Variants in SMYD4 observed in about 807,000 individuals in gnomAD.
SMYD4 encodes the protein protein-lysine N-methyltransferase SMYD4.
SMYD4 carries 68 observed loss-of-function variants against 72.8 expected under a neutral mutation model. The observed-to-expected ratio is 0.93, with a 90% confidence interval of 0.77 to 1.14. The LOEUF (loss-of-function observed/expected upper bound fraction) is 1.14. Ranked by LOEUF, SMYD4 falls within the 50% of genes most tolerant of loss-of-function variation. The pLI is 0.00. For missense variants in SMYD4, 984 were observed against 1,003.7 expected, an observed-to-expected ratio of 0.98 and a Z score of 0.27; for synonymous variants, 407 against 388.6, an observed-to-expected ratio of 1.05 and a Z score of -0.56.
chr17:1,787,303 C>A, intron 6 of SMYD4, 119 bp downstream of exon 6: 1 of 1,326,344 alleles, frequency 7.5e-7, no homozygotes, highest in Non-Finnish European at 1.0e-6. Flanking sequence ...GTGTTCACTG[C>A]CTCTTCCAGG....
Position 1,812,055 on chromosome 17 carries a change from C to T in SMYD4, c.195G>A (p.Ser65=), listed in dbSNP as rs777378568. 1.2e-5 allele frequency: 19 copies of T among 1,613,932 alleles called. No homozygotes were observed. Among genetic ancestry groups the T allele is most frequent in the Admixed American group, 3.3e-5 (2 of 59,964 alleles). ...CTTCTCTGTAGAAAAGAGGAGCGTC[C>T]GAGTCCTTTCCCACCAAGTAACCTT... ...LSKGYLVGKD[S]DAPLFYREEG... is the part of the protein sequence containing the mutation. Residue 65 remains serine, a synonymous_variant, in exon 3 of 11, where the codon TCG becomes TCA. Coordinates refer to ENST00000305513, the MANE Select transcript of SMYD4 (RefSeq NM_052928.3).
In SMYD4 at chr17:1,799,982, G is replaced by A. The variant is rs753463438; in HGVS notation, c.1412C>T (p.Ser471Phe). ...AIPTERIVNSSQLKAAVTPEL... is the reference protein window; with the variant it reads ...AIPTERIVNSFQLKAAVTPEL... Reference sequence around the variant, plus strand: ...AGGTGTCACTGCTGCTTTAAGCTGAGAGGAGTTCACAATCCTCTCAGTTGG... The same window carrying A: ...AGGTGTCACTGCTGCTTTAAGCTGAAAGGAGTTCACAATCCTCTCAGTTGG... Residue 471 changes from serine to phenylalanine, a missense_variant, in exon 5 of 11, where the codon TCT becomes TTT. Ser to Phe is a radical substitution (Grantham distance 155). Transcript: ENST00000305513. 1 of 1,614,018 alleles carries A rather than the reference G, an allele frequency of 6.2e-7. No individual in the cohort carries two copies. Among genetic ancestry groups the A allele is most frequent in the Non-Finnish European group, 8.5e-7 (1 of 1,179,972 alleles).
intron 5 of SMYD4, among the ~76,000 whole-genome samples, chr17:1,789,045 C>A (rs1367519683): frequency 1.3e-5 from 2 of 152,150 alleles, no homozygotes; most frequent in South Asian, 2.1e-4. Context: ...TGGAAAAAAA[C>A]CATCAAATAA....
At chr17:1,801,277 C>T (rs1025881211) in intron 4 of SMYD4, among the ~76,000 whole-genome samples, 2 of 151,676 alleles carry the variant, frequency 1.3e-5, no homozygotes, top group African/African-American at 2.4e-5. Flanking sequence ...CTCGCTCTGT[C>T]GCCCAGGCTG....
At chr17:1,804,122 G>A (rs966304112) in intron 4 of SMYD4, among the ~76,000 whole-genome samples, 18 of 151,808 alleles carry the variant, frequency 1.2e-4, no homozygotes, top group Non-Finnish European at 1.3e-4. Flanking sequence ...TGATCCGCCT[G>A]CCTCAGCCTC....
chr17:1,809,333 G>A (rs1040222362), intron 3 of SMYD4, among the ~76,000 whole-genome samples: 2 of 151,940 alleles, frequency 1.3e-5, no homozygotes, highest in African/African-American at 4.8e-5. Context: ...ATGAAAGCAG[G>A]ACAATAAGAG....
At chr17:1,790,509 G>A (rs1347896637) in intron 5 of SMYD4, among the ~76,000 whole-genome samples, 1 of 151,924 alleles carries the variant, frequency 6.6e-6, no homozygotes, top group Non-Finnish European at 1.5e-5. Context: ...TATCCCTAGT[G>A]CATTTCTTTT....
intron 7 of SMYD4, among the ~76,000 whole-genome samples, chr17:1,785,272 A>T (rs1209640804): frequency 1.3e-5 from 2 of 148,732 alleles, no homozygotes; most frequent in Non-Finnish European, 3.0e-5. Flanking sequence ...AAATACAAAA[A>T]ATTAGCCGGG....
At position 1,799,941 on chromosome 17, in the gene SMYD4, C is replaced by G. The variant is rs778838603; in HGVS notation, c.1453G>C (p.Val485Leu). 6.2e-6 allele frequency: 10 copies of G among 1,614,080 alleles called. No individual in the cohort carries two copies. Among genetic ancestry groups the G allele is most frequent in the Non-Finnish European group, 8.5e-6 (10 of 1,180,008 alleles). Residue 485 changes from valine to leucine, a missense_variant, in exon 5 of 11, where the codon GTG (valine) becomes CTG (leucine). Coordinates refer to ENST00000305513, the MANE Select transcript of SMYD4 (RefSeq NM_052928.3). ...AGCATCGCCACTCCCCAAATAGTCA[C>G]GTCAGGACACAATTCAGGTGTCACT... ...AAVTPELCPD[V>L]TIWGVAMLRH...
chr17:1,809,031 T>C (rs1402374688), intron 3 of SMYD4, among the ~76,000 whole-genome samples: 3 of 152,090 alleles, frequency 2.0e-5, no homozygotes, highest in Non-Finnish European at 4.4e-5. Flanking sequence ...TGTACACCCT[T>C]CAAATGAAAA....
At chr17:1,784,209 C>A (rs1597364418) in intron 8 of SMYD4, 117 bp downstream of exon 8, 2 of 1,488,242 alleles carry the variant, frequency 1.3e-6, no homozygotes, top group Non-Finnish European at 1.8e-6. Flanking sequence ...TTGTGGCTGG[C>A]ATGGGGATAA....
intron 4 of SMYD4, among the ~76,000 whole-genome samples, chr17:1,802,855 A>C (rs1050132051): frequency 6.6e-6 from 1 of 152,232 alleles, no homozygotes; most frequent in Non-Finnish European, 1.5e-5. Context: ...TTCCTGTTTT[A>C]AAAACTCAAC....
rs760365734 is a variant in SMYD4, at chr17:1,784,410, TGACGGCG to T, written c.1929_1935del (p.Val645GlyfsTer27). 6 of 1,614,120 alleles carry T rather than the reference TGACGGCG, an allele frequency of 3.7e-6. No individual in the cohort carries two copies. The highest frequency in any genetic ancestry group is 5.1e-6 in the Non-Finnish European group (6 of 1,180,052). The stretch of plus-strand genomic sequence containing the variant: ...AACCGAGAGACCAGGTGGTCCCTGC[TGACGGCG>T]GATTCTGCACAAGATCTGCTGCCAC... On this transcript the variant is annotated frameshift_variant, in exon 8 of 11. Transcript: ENST00000305513. LOFTEE classifies it high-confidence loss of function.
At chr17:1,797,529 G>A (rs764510660) in intron 5 of SMYD4, among the ~76,000 whole-genome samples, 12 of 152,194 alleles carry the variant, frequency 7.9e-5, no homozygotes, top group Non-Finnish European at 1.8e-4. Flanking sequence ...GAGCCAGCTC[G>A]TCTGTGTTTA....
In SMYD4 at chr17:1,827,939, A is replaced by T; in HGVS notation, c.56T>A (p.Leu19His). Reference sequence around the variant, plus strand: ...AATTGTGACCTGAACAGACGTCGGGAGTGAAGCCCACTTTTGAAGCAGATA... The same window carrying T: ...AATTGTGACCTGAACAGACGTCGGGTGTGAAGCCCACTTTTGAAGCAGATA... ...KSYLLQKWAS[L>H]PTSVQVTIST... Residue 19 changes from leucine (L) to histidine (H), a missense_variant, in exon 2 of 11, where the codon CTC becomes CAC. Coordinates refer to ENST00000305513, the MANE Select transcript of SMYD4 (RefSeq NM_052928.3). 1 of 1,613,642 alleles carries T rather than the reference A, an allele frequency of 6.2e-7. No homozygotes were observed. The highest frequency in any genetic ancestry group is 1.1e-5 in the South Asian group (1 of 91,076).
intron 2 of SMYD4, among the ~76,000 whole-genome samples, chr17:1,823,267 G>A (rs1405266650): frequency 2.0e-5 from 3 of 150,710 alleles, no homozygotes; most frequent in African/African-American, 4.9e-5. Flanking sequence ...GGTGGCAGGC[G>A]CCTGTAGTCC....
chr17:1,804,734 G>T lies in SMYD4; in HGVS notation c.280-19C>A. 1.2e-6 allele frequency: 2 copies of T among 1,609,918 alleles called. No individual in the cohort carries two copies. Among genetic ancestry groups the T allele is most frequent in the Non-Finnish European group, 1.7e-6 (2 of 1,176,810 alleles). On this transcript the variant is annotated intron_variant, in intron 3 of 10. Coordinates refer to ENST00000305513, the MANE Select transcript of SMYD4 (RefSeq NM_052928.3). ...ACACTCCCTGCAAAACAATGAACTG[G>T]TTAAAAGTATAAATGGACACCAGCA...
At chr17:1,820,172 T>C (rs181860648) in intron 2 of SMYD4, among the ~76,000 whole-genome samples, 1 of 152,244 alleles carries the variant, frequency 6.6e-6, no homozygotes. Flanking sequence ...ATTATCACCA[T>C]TATACTTTTT....
chr17:1,821,169 C>T (rs1056459963), intron 2 of SMYD4, among the ~76,000 whole-genome samples: 6 of 152,086 alleles, frequency 3.9e-5, no homozygotes, highest in Non-Finnish European at 8.8e-5. Context: ...TTGGTTCAAT[C>T]AATTTAATAC....
Sources: allele counts gnomAD v4.1 joint callset (sites outside exome capture counted in the v4.1 genomes callset), GRCh38; gene constraint gnomAD v4.1.1; transcripts MANE v1.5; gene names NCBI Gene and HGNC (gene_info 2026-07-23, HGNC 2026-07-21).